DYNC2I1: variants seen among roughly 807,000 people sequenced by gnomAD.
The protein encoded by DYNC2I1 is cytoplasmic dynein 2 intermediate chain 1.
DYNC2I1 carries 89 observed loss-of-function variants against 133.4 expected under a neutral mutation model. The observed-to-expected ratio is 0.67, with a 90% CI of 0.56 to 0.80. The LOEUF (loss-of-function observed/expected upper bound fraction) is 0.80, where lower values mean the gene tolerates loss of function less well. Among genes scored for constraint, DYNC2I1 ranks in the 30% least tolerant of loss-of-function variants. The probability of loss-of-function intolerance (pLI) is 0.00; values close to 1 mark genes in which losing one functional copy is unlikely to be tolerated. For missense variants in DYNC2I1, 1,291 were observed against 1,314.5 expected, an observed-to-expected ratio of 0.98 and a Z score of 0.28; for synonymous variants, 504 against 484.3, an observed-to-expected ratio of 1.04 and a Z score of -0.54.
chr7:158,914,147 T>G, intron 13 of DYNC2I1, 86 bp from the exon 14 acceptor site: 4 of 1,050,246 alleles, frequency 3.8e-6, no homozygotes, highest in East Asian at 2.6e-5. Flanking sequence ...TGTTGATTTG[T>G]TAGGCCTGTT....
chr7:158,905,858 G>A (rs538109595), intron 10 of DYNC2I1, 131 bp from the exon 11 acceptor site: 334 of 673,586 alleles, frequency 5.0e-4, no homozygotes, highest in Non-Finnish European at 7.9e-4. Context: ...TATGAAAGAT[G>A]TTTGTCATTA....
intron 10 of DYNC2I1, 183 bp downstream of exon 10, chr7:158,902,778 G>T: frequency 1.7e-6 from 1 of 598,076 alleles, no homozygotes. Context: ...ACTTGAGCAC[G>T]AGCCCATCCA....
rs543902016 is a variant in DYNC2I1 at position 158,867,297 on chromosome 7, C to T, written c.16-2558C>T. On this transcript the variant is annotated intron_variant, in intron 1 of 24. Transcript: ENST00000407559. The stretch of plus-strand genomic sequence containing the variant: ...GGTTAAGCATGAAGCTCTGTTGTAC[C>T]GGGGTTGTAGGGCTGTACCCTGTGT... Among the ~76,000 whole-genome samples, 181 of 151,820 alleles carry T rather than the reference C, an allele frequency of 1.2e-3. 1 individual carries two copies. In the Middle Eastern group the frequency reaches 0.02, roughly 17 times the overall value.
At chr7:158,924,992 G>T (rs1352582746) in intron 17 of DYNC2I1, among the ~76,000 whole-genome samples, 1 of 152,188 alleles carries the variant, frequency 6.6e-6, no homozygotes, top group East Asian at 1.9e-4. Flanking sequence ...CTGACTTCAG[G>T]TGATCTGCCC....
At chr7:158,878,217 T>C (rs1228696266) in intron 4 of DYNC2I1, among the ~76,000 whole-genome samples, 445 of 38,586 alleles carry the variant, frequency 0.012, no homozygotes, top group Middle Eastern at 0.056. Context: ...TGCCGGGTGC[T>C]GTGTGGGGAG....
chr7:158,957,959 C>T (rs1175567551), downstream of DYNC2I1, among the ~76,000 whole-genome samples: 1 of 152,182 alleles, frequency 6.6e-6, no homozygotes, highest in Admixed American at 6.5e-5. Context: ...CCCTGAGGGC[C>T]CCTCGGCCTT....
At chr7:158,926,864 C>T (rs1211522343) in intron 19 of DYNC2I1, 128 bp from the exon 20 acceptor site, 1 of 680,998 alleles carries the variant, frequency 1.5e-6, no homozygotes, top group Admixed American at 2.9e-5. Context: ...AAAGATCAGT[C>T]TCTTTTTCTG....
Position 158,913,035 on chromosome 7 carries a change from G to C in DYNC2I1, c.1641G>C (p.Glu547Asp). The change falls in exon 13 of 25, where the codon GAG becomes GAC. Residue 547 changes from glutamate (E) to aspartate (D), a missense_variant. Coordinates refer to ENST00000407559, the MANE Select transcript of DYNC2I1 (RefSeq NM_018051.5). ...ATGTTGAAAGAGACATTCAAACGGA[G>C]GAAATAGAGACCAGGGAAGTGTGGA... ...EDNVERDIQT[E>D]EIETREVWTQ... 1.3e-5 allele frequency: 21 copies of C among 1,613,594 alleles called. No homozygotes were observed. The highest frequency in any genetic ancestry group is 1.8e-5 in the Non-Finnish European group (21 of 1,179,670).
chr7:158,912,591 C>T (rs555788463), intron 12 of DYNC2I1, among the ~76,000 whole-genome samples: 147 of 152,310 alleles, frequency 9.7e-4, no homozygotes, highest in African/African-American at 3.5e-3. Context: ...GCAGCTGATT[C>T]ACTCTGACCT....
chr7:158,892,025 G>C (rs73732415), intron 8 of DYNC2I1, among the ~76,000 whole-genome samples: 1,744 of 152,246 alleles, frequency 0.011, 32 homozygotes, highest in African/African-American at 0.04. Context: ...TGGTGATGGG[G>C]GTTTCTTGTT....
intron 20 of DYNC2I1, among the ~76,000 whole-genome samples, chr7:158,929,455 A>G (rs978747247): frequency 4.0e-5 from 6 of 150,468 alleles, no homozygotes; most frequent in Non-Finnish European, 8.8e-5. Flanking sequence ...CTGGCCAGAA[A>G]GGCTGCCTGT....
rs150092215 is a variant in DYNC2I1 at position 158,887,958 on chromosome 7, G to C, written c.990+883G>C. ...GGATCATAAGAGTAGGCTTTGTAATGATTACTTAGTGACTCTAAAATAGCA... is the reference window on the plus strand; with the variant it reads ...GGATCATAAGAGTAGGCTTTGTAATCATTACTTAGTGACTCTAAAATAGCA... On this transcript the variant is annotated intron_variant, in intron 7 of 24. Coordinates refer to ENST00000407559, the MANE Select transcript of DYNC2I1 (RefSeq NM_018051.5). 3.7e-3 allele frequency among the ~76,000 whole-genome samples: 551 copies of C among 149,116 alleles called. 4 individuals carry two copies. Among genetic ancestry groups the C allele is most frequent in the African/African-American group, 0.013 (528 of 40,662 alleles).
Position 158,864,351 on chromosome 7 carries a change from C to G in DYNC2I1, c.16-5504C>G, listed in dbSNP as rs544578552. 2.6e-5 allele frequency among the ~76,000 whole-genome samples: 4 copies of G among 152,246 alleles called. No individual in the cohort carries two copies. In the East Asian group the frequency reaches 7.7e-4, roughly 29 times the overall value. ...CAGGGTTGGGCCGCGGTGTCTCTGT[C>G]ATGTGGGGACTCAGGCTGGAGAGTG... On this transcript the variant is annotated intron_variant, in intron 1 of 24. Coordinates refer to ENST00000407559, the MANE Select transcript of DYNC2I1 (RefSeq NM_018051.5).
At chr7:158,925,131 T>C (rs1397904796) in intron 17 of DYNC2I1, among the ~76,000 whole-genome samples, 1 of 152,224 alleles carries the variant, frequency 6.6e-6, no homozygotes, top group Non-Finnish European at 1.5e-5. Flanking sequence ...GTGGAACTTC[T>C]GATTCAGACC....
At chr7:158,852,450 G>A (rs925650494), upstream of DYNC2I1, among the ~76,000 whole-genome samples, 1 of 151,554 alleles carries the variant, frequency 6.6e-6, no homozygotes, top group African/African-American at 2.4e-5. Flanking sequence ...GAGAGAATTA[G>A]TTCAGACCGG....
intron 3 of DYNC2I1, among the ~76,000 whole-genome samples, chr7:158,876,022 G>C (rs1843324503): frequency 6.6e-6 from 1 of 152,214 alleles, no homozygotes; most frequent in Non-Finnish European, 1.5e-5. Context: ...GTACGAGTCT[G>C]TCCTCATACT....
the DYNC2I1 span, among the ~76,000 whole-genome samples, chr7:158,844,563 GTA>G: frequency 6.6e-6 from 1 of 152,168 alleles, no homozygotes; most frequent in African/African-American, 2.4e-5. Flanking sequence ...AAAAAATGGA[GTA>G]AAGGAAGAAT....
At chr7:158,915,873 G>A (rs377566323) in intron 14 of DYNC2I1, among the ~76,000 whole-genome samples, 54 of 84,098 alleles carry the variant, frequency 6.4e-4, no homozygotes, top group Non-Finnish European at 8.9e-4. Flanking sequence ...ATTGTGAAAC[G>A]TCGACACGCT....
intron 4 of DYNC2I1, among the ~76,000 whole-genome samples, chr7:158,956,238 G>A (rs1051834554): frequency 6.6e-6 from 1 of 152,184 alleles, no homozygotes; most frequent in East Asian, 1.9e-4. Flanking sequence ...GCTAAAATCC[G>A]CATAATCTGC....
Sources: allele counts gnomAD v4.1 joint callset (sites outside exome capture counted in the v4.1 genomes callset), GRCh38; gene constraint gnomAD v4.1.1; transcripts MANE v1.5; gene names NCBI Gene and HGNC (gene_info 2026-07-23, HGNC 2026-07-21).